The following DPP6 variants were observed in gnomAD, a reference collection of about 807,000 sequenced individuals.
The protein encoded by DPP6 is A-type potassium channel modulatory protein DPP6.
In DPP6, 69 loss-of-function variants were observed where a neutral mutation model predicts 122.6. The observed-to-expected ratio is 0.56, with a 90% CI of 0.46 to 0.69. The LOEUF is 0.69. Among genes scored for constraint, DPP6 ranks in the 30% least tolerant of loss-of-function variants. DPP6 has a pLI of 0.00. For synonymous variants in DPP6, 418 were observed against 433.1 expected, an observed-to-expected ratio of 0.97 and a Z score of 0.43; for missense variants, 928 against 1,116.9, an observed-to-expected ratio of 0.83 and a Z score of 2.41.
At chr7:154,868,629 A>G (rs1261230585) in intron 18 of DPP6, among the ~76,000 whole-genome samples, 1 of 152,162 alleles carries the variant, frequency 6.6e-6, no homozygotes, top group Non-Finnish European at 1.5e-5. Flanking sequence ...CCTGGGCACT[A>G]ACTCTGTGCT....
intron 10 of DPP6, among the ~76,000 whole-genome samples, chr7:154,775,709 C>T (rs111801228): frequency 2.0e-5 from 3 of 152,090 alleles, no homozygotes; most frequent in Admixed American, 2.0e-4. Flanking sequence ...GGGTTGAGAC[C>T]GCCCCTGCAA....
intron 10 of DPP6, among the ~76,000 whole-genome samples, chr7:154,775,088 G>T (rs2150388031): frequency 6.6e-6 from 1 of 152,248 alleles, no homozygotes; most frequent in East Asian, 1.9e-4. Flanking sequence ...CCCTCCAGTT[G>T]TGACCATCAC....
chr7:154,385,125 A>G (rs533001918), intron 1 of DPP6, among the ~76,000 whole-genome samples: 3 of 152,114 alleles, frequency 2.0e-5, no homozygotes, highest in Non-Finnish European at 2.9e-5. Context: ...GCCCGCCACC[A>G]TGCCTGGCTA....
chr7:154,208,408 A>G (rs138575311), intron 1 of DPP6, among the ~76,000 whole-genome samples: 1 of 152,338 alleles, frequency 6.6e-6, no homozygotes, highest in African/African-American at 2.4e-5. Flanking sequence ...CCCCTTCACA[A>G]CCAAAGACAG....
intron 2 of DPP6, among the ~76,000 whole-genome samples, chr7:154,453,607 A>G (rs1820579770): frequency 6.6e-6 from 1 of 151,598 alleles, no homozygotes; most frequent in South Asian, 2.1e-4. Flanking sequence ...AATTTTGATG[A>G]ATTTTAAAAC....
At chr7:153,959,339 A>T (rs1585091548) in intron 1 of DPP6, among the ~76,000 whole-genome samples, 1 of 152,210 alleles carries the variant, frequency 6.6e-6, no homozygotes, top group African/African-American at 2.4e-5. Flanking sequence ...TCCCTTGCTC[A>T]GTAAGTGTAG....
At position 154,052,763 on chromosome 7, in the gene DPP6, G is replaced by C. The variant is rs920195992; in HGVS notation, c.-58G>C. ...TGGAGCGGGGTGGGGAGTGGGAACC[G>C]GAGAGAAAGCAAAATATTAAAAAGC... On this transcript the variant is annotated 5_prime_UTR_variant, in exon 1 of 26. Transcript: ENST00000377770. The surrounding 1 kb of genome is among the most constrained non-coding windows in gnomAD (Gnocchi z 4.8). 9.3e-6 allele frequency: 13 copies of C among 1,394,760 alleles called. No individual in the cohort carries two copies. The highest frequency in any genetic ancestry group is 1.5e-5 in the African/African-American group (1 of 66,912). The allele number at this position is 1,394,760 out of a possible 1,614,324, so 86.4% of individuals were successfully genotyped here.
At chr7:154,752,681 G>A (rs988300994) in intron 8 of DPP6, among the ~76,000 whole-genome samples, 6 of 152,144 alleles carry the variant, frequency 3.9e-5, no homozygotes, top group Admixed American at 6.6e-5. Flanking sequence ...ACTATCCACC[G>A]CAGGAGGCTG....
chr7:154,276,705 G>A (rs1274552834), intron 1 of DPP6, among the ~76,000 whole-genome samples: 1 of 152,222 alleles, frequency 6.6e-6, no homozygotes, highest in African/African-American at 2.4e-5. Flanking sequence ...CACAAAGGCA[G>A]AATTAACTAA....
chr7:154,137,642 GGGGGGGGTGGGGGGGT>G lies in DPP6; in HGVS notation c.243+84587_243+84602del, dbSNP rs754685239. ...GGACGAAGCAGCAGGAGGAGATGGT[GGGGGGGGTGGGGGGGT>G]GGGGGGGGTGGGGCGAGCTAATTAT... On this transcript the variant is annotated intron_variant, in intron 1 of 25. Coordinates refer to ENST00000377770, the MANE Select transcript of DPP6 (RefSeq NM_130797.4). Among the ~76,000 whole-genome samples the G allele has an allele frequency of 2.5e-4, 9 of 35,978 alleles. 1 individual carries two copies. Among genetic ancestry groups the G allele is most frequent in the South Asian group, 2.1e-3 (1 of 484 alleles). 23.6% of individuals were successfully genotyped at this position (35,978 alleles called of 152,430 possible).
At chr7:153,835,395 T>TG in the DPP6 span, among the ~76,000 whole-genome samples, 3 of 150,300 alleles carry the variant, frequency 2.0e-5, no homozygotes, top group Non-Finnish European at 4.4e-5. Flanking sequence ...TATGACTGTG[T>TG]GGAAAAAAAA....
chr7:154,442,296 C>T (rs4726418), intron 1 of DPP6, among the ~76,000 whole-genome samples: 2,692 of 152,174 alleles, frequency 0.018, 32 homozygotes, highest in Non-Finnish European at 0.022. Context: ...TATTAATACT[C>T]ATACTAAGAT....
At chr7:154,881,734 C>T (rs1805404524) in intron 21 of DPP6, among the ~76,000 whole-genome samples, 1 of 152,232 alleles carries the variant, frequency 6.6e-6, no homozygotes, top group Non-Finnish European at 1.5e-5. Flanking sequence ...GAGACCCGGC[C>T]CTGCCCTGTG....
chr7:153,957,048 C>A (rs1802494503), intron 1 of DPP6, among the ~76,000 whole-genome samples: 1 of 152,126 alleles, frequency 6.6e-6, no homozygotes, highest in South Asian at 2.1e-4. Context: ...TTTGTAAATT[C>A]TTTATATTGT....
intron 1 of DPP6, among the ~76,000 whole-genome samples, chr7:153,923,760 C>CA (rs1158548494): frequency 0.15 from 6,928 of 46,608 alleles, 818 homozygotes; most frequent in East Asian, 0.52. Flanking sequence ...GACTCCATCT[C>CA]AAAAAAAAAA....
chr7:154,749,661 T>G, intron 8 of DPP6, among the ~76,000 whole-genome samples: 1 of 95,134 alleles, frequency 1.1e-5, no homozygotes. Context: ...GGATGGGGCA[T>G]TACTGAGAGA....
At chr7:154,789,065 C>T (rs1433883533) in intron 10 of DPP6, among the ~76,000 whole-genome samples, 1 of 152,064 alleles carries the variant, frequency 6.6e-6, no homozygotes, top group Non-Finnish European at 1.5e-5. Flanking sequence ...AGTTCCGCAC[C>T]TCAGGAAGGA....
chr7:154,587,386 TCTC>T, intron 5 of DPP6: 1 of 546,596 alleles, frequency 1.8e-6, no homozygotes, highest in South Asian at 2.2e-5. Context: ...TGGACTCTTC[TCTC>T]CTCTTGCCAG....
At chr7:154,717,111 G>A (rs1167772590) in intron 7 of DPP6, among the ~76,000 whole-genome samples, 1 of 151,910 alleles carries the variant, frequency 6.6e-6, no homozygotes, top group East Asian at 1.9e-4. Flanking sequence ...GATTACAGGT[G>A]TGAGCCACCA....
Sources: gnomAD v4.1 joint callset for allele counts (sites outside exome capture counted in the v4.1 genomes callset) on GRCh38, gnomAD v4.1.1 for gene constraint, Gnocchi (gnomAD v3.1) non-coding constraint, MANE v1.5 for transcripts, NCBI Gene and HGNC (gene_info 2026-07-23, HGNC 2026-07-21) for gene names.